XYLT1: variants seen among roughly 807,000 people sequenced by gnomAD.
XYLT1 encodes xylosyltransferase 1, also known as beta-D-xylosyltransferase 1.
Under a neutral mutation model 91.3 loss-of-function variants are expected in XYLT1, and 36 were observed. That is an observed-to-expected ratio of 0.39 (90% CI 0.30 to 0.52). The LOEUF is 0.52. Ranked by LOEUF, XYLT1 falls within the 20% of genes least tolerant of loss-of-function variation. The pLI, the probability that XYLT1 is intolerant of heterozygous loss-of-function variation, is 0.68. For missense variants in XYLT1, 1,242 were observed against 1,284.5 expected, an observed-to-expected ratio of 0.97 and a Z score of 0.51; for synonymous variants, 588 against 532.0, an observed-to-expected ratio of 1.11 and a Z score of -1.45.
intron 1 of XYLT1, among the ~76,000 whole-genome samples, chr16:17,458,217 TA>T (rs1027463732): frequency 7.2e-5 from 11 of 152,334 alleles, no homozygotes; most frequent in African/African-American, 2.4e-4. Flanking sequence ...GAATTGCTGC[TA>T]ACGTTGTACT....
intron 10 of XYLT1, among the ~76,000 whole-genome samples, chr16:17,120,988 C>T (rs890518446): frequency 1.3e-5 from 2 of 152,192 alleles, no homozygotes; most frequent in African/African-American, 2.4e-5. Flanking sequence ...TGCCTATTAA[C>T]GTATCCACCC....
chr16:17,270,188 C>A (rs1300802119), intron 2 of XYLT1, among the ~76,000 whole-genome samples: 1 of 152,210 alleles, frequency 6.6e-6, no homozygotes, highest in East Asian at 1.9e-4. Flanking sequence ...GATGCTTTTC[C>A]TATTGCAACA....
At chr16:17,333,832 C>T (rs1392604031) in intron 2 of XYLT1, among the ~76,000 whole-genome samples, 2 of 152,058 alleles carry the variant, frequency 1.3e-5, no homozygotes, top group Admixed American at 6.6e-5. Flanking sequence ...AAGTGATCTG[C>T]CCACCTCGGC....
chr16:17,431,287 G>C (rs554495985), intron 1 of XYLT1, among the ~76,000 whole-genome samples: 1 of 152,088 alleles, frequency 6.6e-6, no homozygotes, highest in East Asian at 1.9e-4. Context: ...CAAACTTCAC[G>C]TGCACATCTA....
At chr16:17,334,273 G>A (rs184646023) in intron 2 of XYLT1, among the ~76,000 whole-genome samples, 9 of 152,248 alleles carry the variant, frequency 5.9e-5, no homozygotes, top group Admixed American at 1.3e-4. Context: ...GAGTAACTGC[G>A]TGCTAAGTGT....
At chr16:17,267,858 A>G (rs2033829882) in intron 2 of XYLT1, among the ~76,000 whole-genome samples, 1 of 152,308 alleles carries the variant, frequency 6.6e-6, no homozygotes, top group East Asian at 1.9e-4. Context: ...AATAATGAGT[A>G]CCCAATCTAA....
intron 1 of XYLT1, among the ~76,000 whole-genome samples, chr16:17,388,722 TTTCTTTTAACAAAAAGGAGAA>T (rs533772920): frequency 6.6e-6 from 1 of 152,290 alleles, no homozygotes; most frequent in South Asian, 2.1e-4. Context: ...AAAAAGGAGT[TTTCTTTTAACAAAAAGGAGAA>T]ACAAAAGCAG....
intron 1 of XYLT1, chr16:17,445,698 G>A (rs1043436391): frequency 2.0e-5 from 3 of 152,234 alleles, no homozygotes; most frequent in Admixed American, 2.0e-4. Flanking sequence ...CGCGTGGAGG[G>A]TCTATTGTCT....
rs1407902874 is a variant in XYLT1, at chr16:17,182,024, C to T, written c.1289+16188G>A. Among the ~76,000 whole-genome samples, 7 of 152,304 alleles carry T rather than the reference C, an allele frequency of 4.6e-5. No homozygotes were observed. The East Asian group carries it at 1.4e-3, about 29-fold the overall frequency. On this transcript the variant is annotated intron_variant, in intron 5 of 11. Transcript: ENST00000261381. ...ATGCTCTGACCTAGCTGTCATCAAA[C>T]AGCTTGAAATAAAGCAGTACCTGGA...
intron 1 of XYLT1, among the ~76,000 whole-genome samples, chr16:17,378,370 A>G (rs911349850): frequency 6.6e-6 from 1 of 152,046 alleles, no homozygotes; most frequent in African/African-American, 2.4e-5. Context: ...CATCTTGATT[A>G]TGTCTATTGG....
chr16:17,230,357 C>T (rs1664710258), intron 3 of XYLT1, among the ~76,000 whole-genome samples: 1 of 152,160 alleles, frequency 6.6e-6, no homozygotes, highest in South Asian at 2.1e-4. Context: ...TCACTTTCTC[C>T]CTTGCATTGC....
At chr16:17,113,705 C>T (rs992335582) in intron 11 of XYLT1, among the ~76,000 whole-genome samples, 2 of 152,240 alleles carry the variant, frequency 1.3e-5, no homozygotes, top group Non-Finnish European at 2.9e-5. Flanking sequence ...TCTGAACAGA[C>T]AGGGCTTGCT....
chr16:17,419,599 G>C (rs1210268082), intron 1 of XYLT1, among the ~76,000 whole-genome samples: 1 of 152,210 alleles, frequency 6.6e-6, no homozygotes, highest in Non-Finnish European at 1.5e-5. Flanking sequence ...CAATGAAACA[G>C]GCAATGCCTT....
intron 2 of XYLT1, among the ~76,000 whole-genome samples, chr16:17,260,425 G>A (rs1336558820): frequency 6.6e-6 from 1 of 152,158 alleles, no homozygotes; most frequent in Non-Finnish European, 1.5e-5. Context: ...CACGGCCCCT[G>A]ACCTCTGAAG....
intron 3 of XYLT1, among the ~76,000 whole-genome samples, chr16:17,211,032 A>G (rs1318849973): frequency 6.6e-6 from 1 of 152,240 alleles, no homozygotes; most frequent in East Asian, 1.9e-4. Context: ...GGCAAGTGAC[A>G]GCAAGATTTC....
At chr16:17,112,549 G>C (rs994309199) in intron 11 of XYLT1, among the ~76,000 whole-genome samples, 1 of 151,968 alleles carries the variant, frequency 6.6e-6, no homozygotes, top group Admixed American at 6.5e-5. Context: ...CTGACCAACA[G>C]GTGTACCTGA....
intron 2 of XYLT1, among the ~76,000 whole-genome samples, chr16:17,301,189 T>C (rs1567363828): frequency 6.6e-6 from 1 of 152,036 alleles, no homozygotes; most frequent in Non-Finnish European, 1.5e-5. Flanking sequence ...GGCGGGTGGA[T>C]TAGTTGAGGT....
chr16:17,298,259 G>C (rs747748929), intron 2 of XYLT1, among the ~76,000 whole-genome samples: 16 of 152,140 alleles, frequency 1.1e-4, no homozygotes, highest in Non-Finnish European at 2.4e-4. Flanking sequence ...GCGAGGGAAT[G>C]GGCTGGAGGT....
intron 1 of XYLT1, among the ~76,000 whole-genome samples, chr16:17,451,839 A>C (rs1567208032): frequency 6.6e-6 from 1 of 152,214 alleles, no homozygotes; most frequent in Non-Finnish European, 1.5e-5. Flanking sequence ...TAAGGCATGA[A>C]AACTGGGGAG....
Sources: allele counts gnomAD v4.1 joint callset (sites outside exome capture counted in the v4.1 genomes callset), GRCh38; gene constraint gnomAD v4.1.1; transcripts MANE v1.5; gene names NCBI Gene and HGNC (gene_info 2026-07-23, HGNC 2026-07-21).